The following TGFBR3 variants were observed in gnomAD, a reference collection of about 807,000 sequenced individuals.
TGFBR3 encodes the protein transforming growth factor beta receptor type 3.
TGFBR3 carries 46 observed loss-of-function variants against 87.9 expected under a neutral mutation model. The ratio of observed to expected loss-of-function variants is 0.52; its 90% confidence interval spans 0.41 to 0.67. The LOEUF is 0.67. Among genes scored for constraint, TGFBR3 ranks in the 30% least tolerant of loss-of-function variants. The pLI is 0.00. For missense variants in TGFBR3, 866 were observed against 1,041.9 expected (o/e 0.83, Z 2.32); for synonymous variants, 381 against 391.6 (o/e 0.97, Z 0.32).
At chr1:91,758,079 A>T (rs1471273733) in intron 4 of TGFBR3, among the ~76,000 whole-genome samples, 1 of 152,240 alleles carries the variant, frequency 6.6e-6, no homozygotes, top group Non-Finnish European at 1.5e-5. Flanking sequence ...TACAAATAGT[A>T]GGTAATATTT....
chr1:91,750,675 T>A (rs1673505915), intron 4 of TGFBR3, among the ~76,000 whole-genome samples: 1 of 152,140 alleles, frequency 6.6e-6, no homozygotes, highest in South Asian at 2.1e-4. Flanking sequence ...AGTTATTTAA[T>A]CTCCCTTCAA....
intron 2 of TGFBR3, among the ~76,000 whole-genome samples, chr1:91,824,401 G>A (rs1044798546): frequency 3.9e-5 from 6 of 152,138 alleles, no homozygotes; most frequent in Non-Finnish European, 5.9e-5. Context: ...GGTATTTAGG[G>A]AACATAAATC....
rs115765064 is a variant in TGFBR3 at position 91,747,154 on chromosome 1, T to C, written c.384+11459A>G. ...ATGAGTGCAGATTCAAACTGTCTGC[T>C]GGACTCCAAAAATGATGCTCTTTCC... On this transcript the variant is annotated intron_variant, in intron 4 of 16. Coordinates refer to ENST00000212355, the MANE Select transcript of TGFBR3 (RefSeq NM_003243.5). Among the ~76,000 whole-genome samples, 1,175 of 152,328 alleles carry C rather than the reference T, an allele frequency of 7.7e-3. 11 individuals are homozygous for C. Among genetic ancestry groups the C allele is most frequent in the African/African-American group, 0.027 (1,108 of 41,572 alleles).
intron 3 of TGFBR3, among the ~76,000 whole-genome samples, chr1:91,785,416 C>T (rs1009061694): frequency 2.6e-5 from 4 of 152,176 alleles, no homozygotes; most frequent in East Asian, 1.9e-4. Context: ...AGATTATGGG[C>T]CACTGGTTGC....
At chr1:91,823,415 G>A (rs995195327) in intron 2 of TGFBR3, among the ~76,000 whole-genome samples, 1 of 152,192 alleles carries the variant, frequency 6.6e-6, no homozygotes, top group Non-Finnish European at 1.5e-5. Context: ...AAAAAGACAT[G>A]TTTATAGAGG....
chr1:91,862,745 T>C (rs1344216238), intron 1 of TGFBR3, among the ~76,000 whole-genome samples: 2 of 152,194 alleles, frequency 1.3e-5, no homozygotes, highest in Non-Finnish European at 2.9e-5. Flanking sequence ...CATGGTTCCT[T>C]CTCATCAAGA....
chr1:91,808,278 T>A lies in TGFBR3; in HGVS notation c.62-10807A>T, dbSNP rs557825459. Among the ~76,000 whole-genome samples, 412 of 152,294 alleles carry A rather than the reference T, an allele frequency of 2.7e-3. 3 individuals are homozygous for A. The highest frequency in any genetic ancestry group is 9.6e-3 in the African/African-American group (401 of 41,562). On this transcript the variant is annotated intron_variant, in intron 2 of 16. Coordinates refer to ENST00000212355, the MANE Select transcript of TGFBR3 (RefSeq NM_003243.5). ...CCCCATCTCTTTAAAAAAATTTTTT[T>A]AATTAAATTAAACTATGCACAGTAT...
intron 3 of TGFBR3, among the ~76,000 whole-genome samples, chr1:91,791,786 C>T (rs368034704): frequency 1.3e-5 from 2 of 152,302 alleles, no homozygotes; most frequent in South Asian, 4.1e-4. Flanking sequence ...TCCTCTTCTG[C>T]AAAAACAGTG....
intron 3 of TGFBR3, among the ~76,000 whole-genome samples, chr1:91,773,639 G>A (rs540074625): frequency 1.5e-4 from 23 of 152,276 alleles, no homozygotes; most frequent in African/African-American, 2.4e-4. Context: ...CCGAGATCGC[G>A]CCACTGCACT....
At chr1:91,709,325 C>T (rs375125877) in intron 13 of TGFBR3, among the ~76,000 whole-genome samples, 62 of 152,294 alleles carry the variant, frequency 4.1e-4, no homozygotes, top group Non-Finnish European at 6.2e-4. Context: ...AGAACACTTA[C>T]GTTAACCTAC....
chr1:91,772,793 C>T (rs1398740875), intron 3 of TGFBR3, among the ~76,000 whole-genome samples: 1 of 152,262 alleles, frequency 6.6e-6, no homozygotes, highest in Middle Eastern at 3.4e-3. Context: ...TAAATCTTGG[C>T]AAGACCTACC....
chr1:91,837,224 A>C (rs1167846906), intron 2 of TGFBR3, among the ~76,000 whole-genome samples: 1 of 69,704 alleles, frequency 1.4e-5, no homozygotes, highest in South Asian at 4.3e-4. Flanking sequence ...TAAGGATATT[A>C]TTTATTTATT....
intron 3 of TGFBR3, among the ~76,000 whole-genome samples, chr1:91,775,320 C>A (rs903508259): frequency 6.6e-6 from 1 of 152,190 alleles, no homozygotes; most frequent in East Asian, 1.9e-4. Flanking sequence ...CCTCAATGAC[C>A]AATCGCACCT....
chr1:91,857,293 T>G (rs888460498), intron 2 of TGFBR3, among the ~76,000 whole-genome samples: 54 of 151,976 alleles, frequency 3.6e-4, no homozygotes, highest in African/African-American at 1.3e-3. Context: ...ATCTACTCCA[T>G]CCTTCTTTCC....
chr1:91,740,021 G>A (rs1034308690), intron 4 of TGFBR3, among the ~76,000 whole-genome samples: 10 of 152,124 alleles, frequency 6.6e-5, no homozygotes, highest in Non-Finnish European at 1.2e-4. Flanking sequence ...CCTACTACCA[G>A]GCCCCACTTC....
intron 7 of TGFBR3, among the ~76,000 whole-genome samples, chr1:91,722,990 A>G (rs1672422605): frequency 6.6e-6 from 1 of 152,232 alleles, no homozygotes; most frequent in Non-Finnish European, 1.5e-5. Context: ...AAACTATTAA[A>G]TTCCACATGG....
At chr1:91,770,597 T>C (rs1674343758) in intron 3 of TGFBR3, among the ~76,000 whole-genome samples, 1 of 152,220 alleles carries the variant, frequency 6.6e-6, no homozygotes, top group Non-Finnish European at 1.5e-5. Context: ...GAACTTGTTC[T>C]TTTTAAAGAA....
chr1:91,681,154 T>G lies in TGFBR3; in HGVS notation c.*2585A>C, dbSNP rs541156474. On this transcript the variant is annotated 3_prime_UTR_variant, in exon 17 of 17. Transcript: ENST00000212355. Reference sequence around the variant, plus strand: ...CTTTTAAAGAAACTTGTAGTACACGTTATAAAAGTAGAGCTTGTACTTTGT... The same window carrying G: ...CTTTTAAAGAAACTTGTAGTACACGGTATAAAAGTAGAGCTTGTACTTTGT... The G allele has an allele frequency of 9.0e-5, 41 of 454,130 alleles. No homozygotes were observed. The East Asian group carries it at 2.7e-3, about 30-fold the overall frequency. The allele number at this position is 454,130 out of a possible 1,614,324, so 28.1% of individuals were successfully genotyped here. A position where few individuals can be genotyped will look rare whatever the true frequency, so the allele number is the denominator to read the frequency against.
chr1:91,821,236 A>T (rs1367689014), intron 2 of TGFBR3, among the ~76,000 whole-genome samples: 1 of 150,382 alleles, frequency 6.6e-6, no homozygotes, highest in Non-Finnish European at 1.5e-5. Context: ...AGGCTGAGGC[A>T]TGAGAATCAC....
Sources: gnomAD v4.1 joint callset for allele counts (sites outside exome capture counted in the v4.1 genomes callset) on GRCh38, gnomAD v4.1.1 for gene constraint, MANE v1.5 for transcripts, NCBI Gene and HGNC (gene_info 2026-07-23, HGNC 2026-07-21) for gene names.